GDNF: variants seen among roughly 807,000 people sequenced by gnomAD.
GDNF encodes glial cell line-derived neurotrophic factor.
Under a neutral mutation model 13.7 loss-of-function variants are expected in GDNF, and 5 were observed. The ratio of observed to expected loss-of-function variants is 0.36; its 90% CI spans 0.19 to 0.77. GDNF has a LOEUF of 0.77. GDNF is among the 30% of genes least tolerant of loss of function. The pLI is 0.51. For synonymous variants in GDNF, 122 were observed against 112.5 expected (o/e 1.08, Z -0.53); for missense variants, 246 against 274.3 (o/e 0.90, Z 0.73).
Position 37,815,449 on chromosome 5 carries a change from G to C in GDNF, c.*202C>G. 1 of 625,824 alleles carries C rather than the reference G, an allele frequency of 1.6e-6. No homozygotes were observed. Among genetic ancestry groups the C allele is most frequent in the South Asian group, 1.9e-5 (1 of 53,596 alleles). The allele number at this position is 625,824 out of a possible 1,614,324, so 38.8% of individuals were successfully genotyped here. ...TCTCTCTCCTGTCCAGTTGTCTGTAGCTGGATCTCCCTCTACCAGGCTCCC... is the reference window on the plus strand; with the variant it reads ...TCTCTCTCCTGTCCAGTTGTCTGTACCTGGATCTCCCTCTACCAGGCTCCC... On this transcript the variant is annotated 3_prime_UTR_variant, in exon 3 of 3. Transcript: ENST00000326524. This position sits in a 1 kb window ranked among gnomAD's most constrained non-coding sequence, Gnocchi z 5.0.
intron 1 of GDNF, chr5:37,835,712 G>C: frequency 2.0e-6 from 3 of 1,482,164 alleles, no homozygotes; most frequent in Admixed American, 2.0e-5. Flanking sequence ...TCTCTTGACT[G>C]GATTTTTGCA....
At chr5:37,833,696 T>C (rs1750601764) in intron 2 of GDNF, among the ~76,000 whole-genome samples, 1 of 151,962 alleles carries the variant, frequency 6.6e-6, no homozygotes, top group Non-Finnish European at 1.5e-5. Context: ...GAGGGAAGAG[T>C]AGCCAGGGTG....
Position 37,834,713 on chromosome 5 carries a change from A to G in GDNF, c.84T>C (p.Pro28=). ...SAFPLPAGKR[P]PEAPAEDRSL... is the part of the protein sequence containing the mutation. ...AGCGGTCTTCGGCGGGCGCCTCGGGAGGCCTCTTACCGGCGGGCAGCGGGA... is the reference window on the plus strand; with the variant it reads ...AGCGGTCTTCGGCGGGCGCCTCGGGGGGCCTCTTACCGGCGGGCAGCGGGA... Residue 28 remains proline (P), a synonymous_variant, in exon 2 of 3, where the codon CCT becomes CCC. Coordinates refer to ENST00000326524, the MANE Select transcript of GDNF (RefSeq NM_000514.4). 6.2e-7 allele frequency: 1 copy of G among 1,611,010 alleles called. No individual in the cohort carries two copies. The highest frequency in any genetic ancestry group is 1.1e-5 in the South Asian group (1 of 90,972).
chr5:37,823,029 G>T (rs997150723), intron 2 of GDNF, among the ~76,000 whole-genome samples: 1 of 152,152 alleles, frequency 6.6e-6, no homozygotes, highest in Admixed American at 6.5e-5. Context: ...CTTCCTTGAA[G>T]CACTTAAAAA....
rs537839091 is a variant in GDNF at position 37,837,603 on chromosome 5, G to A, written c.-27+1904C>T. Among the ~76,000 whole-genome samples the A allele has an allele frequency of 6.6e-6, 1 of 152,230 alleles. No homozygotes were observed. Among genetic ancestry groups the A allele is most frequent in the Non-Finnish European group, 1.5e-5 (1 of 68,030 alleles). On this transcript the variant is annotated intron_variant, in intron 1 of 2. Transcript: ENST00000326524. The surrounding 1 kb of genome is among the most constrained non-coding windows in gnomAD (Gnocchi z 6.5). The stretch of plus-strand genomic sequence containing the variant: ...CGTCTGAGCCGTGTCGCGCCCACGC[G>A]GCCCGGAGGCTGTGTTATCATTTTA...
chr5:37,818,380 G>C (rs1329497722), intron 2 of GDNF, among the ~76,000 whole-genome samples: 2 of 152,198 alleles, frequency 1.3e-5, no homozygotes, highest in African/African-American at 4.8e-5. Flanking sequence ...GTTTTATAAA[G>C]TGCAGTTCCC....
rs75624956 is a variant in GDNF at position 37,837,994 on chromosome 5, G to GTT, written c.-27+1511_-27+1512dup. Among the ~76,000 whole-genome samples the GTT allele has an allele frequency of 3.7e-3, 459 of 125,442 alleles. 4 individuals carry two copies. Among genetic ancestry groups the GTT allele is most frequent in the Admixed American group, 5.1e-3 (63 of 12,326 alleles). The allele number at this position is 125,442 out of a possible 152,430, so 82.3% of individuals were successfully genotyped here. On this transcript the variant is annotated intron_variant, in intron 1 of 2. Transcript: ENST00000326524. This position sits in a 1 kb window ranked among gnomAD's most constrained non-coding sequence, Gnocchi z 6.5. Reference sequence around the variant, plus strand: ...GGGAGACGGGTTTGCTATAAACTCGGTTTTTTTTTTTTTTTTTTTGGCGGG... The same window carrying GTT: ...GGGAGACGGGTTTGCTATAAACTCGGTTTTTTTTTTTTTTTTTTTTTGGCGGG...
chr5:37,836,406 T>G (rs1750706993), intron 1 of GDNF, among the ~76,000 whole-genome samples: 1 of 152,056 alleles, frequency 6.6e-6, no homozygotes, highest in African/African-American at 2.4e-5. Flanking sequence ...CTGCAGAGAC[T>G]AATGCATTTT....
chr5:37,820,119 A>AT (rs1750080059), intron 2 of GDNF, among the ~76,000 whole-genome samples: 1 of 152,202 alleles, frequency 6.6e-6, no homozygotes, highest in African/African-American at 2.4e-5. Context: ...AATTCTAAAT[A>AT]AGTCATTAAT....
intron 2 of GDNF, 67 bp from the exon 3 acceptor site, chr5:37,816,202 C>A (rs1206627161): frequency 1.3e-6 from 2 of 1,554,102 alleles, no homozygotes; most frequent in East Asian, 2.3e-5. Flanking sequence ...TCTTCAAGAT[C>A]AAAGTGCCCC....
intron 2 of GDNF, among the ~76,000 whole-genome samples, chr5:37,822,270 G>A (rs1232642109): frequency 1.3e-5 from 2 of 152,204 alleles, no homozygotes; most frequent in African/African-American, 2.4e-5. Context: ...TGCATGAGCC[G>A]GGCTTGGCTG....
chr5:37,838,018 G>T lies in GDNF; in HGVS notation c.-27+1489C>A, dbSNP rs1158820693. 1.3e-5 allele frequency among the ~76,000 whole-genome samples: 2 copies of T among 150,590 alleles called. No individual in the cohort carries two copies. Among genetic ancestry groups the T allele is most frequent in the Non-Finnish European group, 3.0e-5 (2 of 67,648 alleles). On this transcript the variant is annotated intron_variant, in intron 1 of 2. Transcript: ENST00000326524. This position sits in a 1 kb window ranked among gnomAD's most constrained non-coding sequence, Gnocchi z 4.1. ...GGTTTTTTTTTTTTTTTTTTTGGCG[G>T]GGGGAGGTAGAGACAGAAATTGCTG...
At chr5:37,836,540 C>T (rs1220418549) in intron 1 of GDNF, among the ~76,000 whole-genome samples, 1 of 152,126 alleles carries the variant, frequency 6.6e-6, no homozygotes, top group East Asian at 1.9e-4. Context: ...TTTGCAAACT[C>T]GGGAAAAAGC....
chr5:37,815,938 C>T lies in GDNF; in HGVS notation c.349G>A (p.Gly117Ser). The T allele has an allele frequency of 1.2e-6, 2 of 1,614,138 alleles. No individual in the cohort carries two copies. Among genetic ancestry groups the T allele is most frequent in the Non-Finnish European group, 1.7e-6 (2 of 1,180,030 alleles). Reference sequence around the variant, plus strand: ...AAATGTATTGCAGTTAAGACACAACCCCGGTTTTTGCCCCTCTGGCCTCTC... The same window carrying T: ...AAATGTATTGCAGTTAAGACACAACTCCGGTTTTTGCCCCTCTGGCCTCTC... ...GRRGQRGKNRGCVLTAIHLNV... is the reference protein window; with the variant it reads ...GRRGQRGKNRSCVLTAIHLNV... Residue 117 changes from glycine to serine, a missense_variant, in exon 3 of 3, where the codon GGT becomes AGT. Transcript: ENST00000326524. The surrounding 1 kb of genome is among the most constrained non-coding windows in gnomAD (Gnocchi z 5.0).
intron 2 of GDNF, among the ~76,000 whole-genome samples, chr5:37,830,015 G>A (rs957858898): frequency 9.9e-5 from 15 of 152,176 alleles, no homozygotes; most frequent in Admixed American, 1.3e-4. Context: ...GTCCCTAAGC[G>A]ATAAGACACA....
rs544664288 is a variant in GDNF, at chr5:37,825,085, AATGCCATCTT to A, written c.152-8960_152-8951del. On this transcript the variant is annotated intron_variant, in intron 2 of 2. Coordinates refer to ENST00000326524, the MANE Select transcript of GDNF (RefSeq NM_000514.4). ...TTAGAAAAGCCACTTTGCCCATCAA[AATGCCATCTT>A]ATTTACCATCTCCACCCACTCTGAA... 1.6e-4 allele frequency among the ~76,000 whole-genome samples: 24 copies of A among 152,322 alleles called. No homozygotes were observed. In the South Asian group the frequency reaches 4.8e-3, roughly 30 times the overall value.
intron 2 of GDNF, among the ~76,000 whole-genome samples, chr5:37,833,789 C>G (rs1304117491): frequency 2.0e-5 from 3 of 152,176 alleles, no homozygotes; most frequent in African/African-American, 4.8e-5. Flanking sequence ...TGACATTATG[C>G]CTCTGCAACA....
At chr5:37,828,854 C>T (rs1282385408) in intron 2 of GDNF, among the ~76,000 whole-genome samples, 1 of 152,168 alleles carries the variant, frequency 6.6e-6, no homozygotes, top group Non-Finnish European at 1.5e-5. Context: ...TTACTTGGGG[C>T]TAATAGTTTG....
rs764617766 is a variant in GDNF, at chr5:37,815,626, T to C, written c.*25A>G. On this transcript the variant is annotated 3_prime_UTR_variant, in exon 3 of 3. Coordinates refer to ENST00000326524, the MANE Select transcript of GDNF (RefSeq NM_000514.4). This position sits in a 1 kb window ranked among gnomAD's most constrained non-coding sequence, Gnocchi z 5.0. ...TCTTTGCACTGTAGCAGGAATGCAA[T>C]ACACAGCAGTCTCTGGAGCCGGAGT... 1 of 1,609,014 alleles carries C rather than the reference T, an allele frequency of 6.2e-7. No individual in the cohort carries two copies. Among genetic ancestry groups the C allele is most frequent in the African/African-American group, 1.3e-5 (1 of 74,736 alleles).
Sources: allele counts gnomAD v4.1 joint callset (sites outside exome capture counted in the v4.1 genomes callset), GRCh38; gene constraint gnomAD v4.1.1; non-coding constraint Gnocchi (gnomAD v3.1); transcripts MANE v1.5; gene names NCBI Gene and HGNC (gene_info 2026-07-23, HGNC 2026-07-21).